NALF1: variants seen among roughly 807,000 people sequenced by gnomAD.
NALF1 encodes NALCN channel auxiliary factor 1, also known as family with sequence similarity 155 member A.
NALF1 carries 3 observed loss-of-function variants against 48.4 expected under a neutral mutation model. That is an observed-to-expected ratio of 0.06 (90% confidence interval 0.03 to 0.16). The LOEUF is 0.16. NALF1 is among the 10% of genes least tolerant of loss of function. NALF1 has a pLI of 1.00. For synonymous variants in NALF1, 262 were observed against 245.7 expected, an observed-to-expected ratio of 1.07 and a Z score of -0.62; for missense variants, 526 against 571.5, an observed-to-expected ratio of 0.92 and a Z score of 0.81.
chr13:107,295,256 C>G (rs1006919592), intron 1 of NALF1, among the ~76,000 whole-genome samples: 1 of 152,124 alleles, frequency 6.6e-6, no homozygotes, highest in Non-Finnish European at 1.5e-5. Context: ...TTTTCTGTGT[C>G]TGCATTAATT....
Position 107,866,917 on chromosome 13 carries a change from AG to A in NALF1, c.-322del, listed in dbSNP as rs1880755126. ...CAATAATGGAGAGAGAGAGAGAGAG[AG>A]AGACGGAGGAGGCTGGTGCTGGTGG... is the stretch of plus-strand genomic sequence containing the variant. On this transcript the variant is annotated 5_prime_UTR_variant, in exon 1 of 3. Transcript: ENST00000375915. This position sits in a 1 kb window ranked among gnomAD's most constrained non-coding sequence, Gnocchi z 4.4. 6.6e-6 allele frequency among the ~76,000 whole-genome samples: 1 copy of A among 151,968 alleles called. No homozygotes were observed.
At chr13:107,238,447 C>T (rs12429532) in intron 1 of NALF1, among the ~76,000 whole-genome samples, 7,357 of 152,174 alleles carry the variant, frequency 0.048, 241 homozygotes, top group Admixed American at 0.1. Flanking sequence ...GCAGCTCTGC[C>T]GGGCCCTCTG....
chr13:107,243,177 C>G (rs1880510867), intron 1 of NALF1, among the ~76,000 whole-genome samples: 1 of 152,160 alleles, frequency 6.6e-6, no homozygotes, highest in Non-Finnish European at 1.5e-5. Context: ...CCACCATTTT[C>G]TAGGATCTCT....
At chr13:107,801,551 G>A (rs1017114229) in intron 1 of NALF1, among the ~76,000 whole-genome samples, 1 of 152,136 alleles carries the variant, frequency 6.6e-6, no homozygotes, top group African/African-American at 2.4e-5. Context: ...TAGAGCCTTG[G>A]CAGCTGTCAA....
chr13:107,672,001 A>T (rs970010669), intron 1 of NALF1, among the ~76,000 whole-genome samples: 2 of 151,288 alleles, frequency 1.3e-5, no homozygotes, highest in African/African-American at 4.9e-5. Context: ...ATTGCCTTGA[A>T]AAAAAAAATC....
chr13:107,220,158 C>T (rs964796188), intron 1 of NALF1, among the ~76,000 whole-genome samples: 1 of 152,188 alleles, frequency 6.6e-6, no homozygotes, highest in Non-Finnish European at 1.5e-5. Flanking sequence ...TTTGTTTTTC[C>T]CACAGATGCC....
At chr13:107,776,711 T>C (rs186235682) in intron 1 of NALF1, among the ~76,000 whole-genome samples, 1 of 152,338 alleles carries the variant, frequency 6.6e-6, no homozygotes, top group East Asian at 1.9e-4. Context: ...AAAATGTAAA[T>C]GCATACTTAA....
At chr13:107,325,885 T>TATATATATATAC in intron 1 of NALF1, among the ~76,000 whole-genome samples, 1 of 69,712 alleles carries the variant, frequency 1.4e-5, no homozygotes, top group Non-Finnish European at 3.6e-5. Flanking sequence ...TATATATATA[T>TATATATATATAC]ATACACACAC....
intron 1 of NALF1, among the ~76,000 whole-genome samples, chr13:107,377,282 G>A (rs931468744): frequency 3.3e-5 from 5 of 152,206 alleles, no homozygotes; most frequent in South Asian, 2.1e-4. Context: ...CTGGGAAGGC[G>A]TGGAGTTGCA....
At chr13:107,621,632 G>T (rs767366607) in intron 1 of NALF1, among the ~76,000 whole-genome samples, 2 of 152,074 alleles carry the variant, frequency 1.3e-5, no homozygotes, top group Non-Finnish European at 2.9e-5. Flanking sequence ...AGGTATTCTC[G>T]TTCCTTAGGG....
intron 1 of NALF1, among the ~76,000 whole-genome samples, chr13:107,691,648 A>G (rs1881571365): frequency 6.6e-6 from 1 of 152,236 alleles, no homozygotes; most frequent in African/African-American, 2.4e-5. Flanking sequence ...ATTTATTCTC[A>G]TATACTATAT....
chr13:107,476,399 T>C (rs1885177413), intron 1 of NALF1, among the ~76,000 whole-genome samples: 1 of 152,170 alleles, frequency 6.6e-6, no homozygotes. Context: ...AGCATATTTT[T>C]TTCTCATGTG....
At chr13:107,532,799 G>C (rs1015901465) in intron 1 of NALF1, among the ~76,000 whole-genome samples, 1 of 139,896 alleles carries the variant, frequency 7.1e-6, no homozygotes, top group African/African-American at 2.5e-5. Flanking sequence ...TGAAAAGTTA[G>C]CAATTTAGAG....
At chr13:107,278,377 G>A (rs147705486) in intron 1 of NALF1, among the ~76,000 whole-genome samples, 18 of 152,308 alleles carry the variant, frequency 1.2e-4, no homozygotes, top group Non-Finnish European at 2.4e-4. Flanking sequence ...TTTGTTTATG[G>A]AGTGTATATG....
chr13:107,484,897 G>C lies in NALF1; in HGVS notation c.916-274142C>G, dbSNP rs1885304016. Among the ~76,000 whole-genome samples, 3 of 152,008 alleles carry C rather than the reference G, an allele frequency of 2.0e-5. No individual in the cohort carries two copies. The South Asian group carries it at 6.2e-4, about 31-fold the overall frequency. The stretch of plus-strand genomic sequence containing the variant: ...TCATAGACACGGTAATCCATTTTTT[G>C]CTGGAAAGCCTCTCAGAGAAATCCC... On this transcript the variant is annotated intron_variant, in intron 1 of 2. Coordinates refer to ENST00000375915, the MANE Select transcript of NALF1 (RefSeq NM_001080396.3).
In NALF1 at chr13:107,866,029, C is replaced by A; in HGVS notation, c.568G>T (p.Val190Leu). ...QCFTVENADA[V>L]CARNWSRGAA... ...CCCCGACTCCAGTTCCTGGCGCACA[C>A]CGCGTCCGCATTCTCCACCGTGAAG... is the stretch of plus-strand genomic sequence containing the variant. Residue 190 changes from valine (V) to leucine (L), a missense_variant, in exon 1 of 3, where the codon GTG (valine) becomes TTG (leucine). Around this residue, in one of 2 missense-constraint regions of NALF1, gnomAD observed 373 missense variants for 355.5 expected, o/e 1.05. Coordinates refer to ENST00000375915, the MANE Select transcript of NALF1 (RefSeq NM_001080396.3). The surrounding 1 kb of genome is among the most constrained non-coding windows in gnomAD (Gnocchi z 4.4). The A allele has an allele frequency of 6.2e-7, 1 of 1,612,158 alleles. No individual in the cohort carries two copies. Among genetic ancestry groups the A allele is most frequent in the Non-Finnish European group, 8.5e-7 (1 of 1,179,894 alleles).
At chr13:107,541,589 A>G (rs1302175235) in intron 1 of NALF1, among the ~76,000 whole-genome samples, 1 of 152,120 alleles carries the variant, frequency 6.6e-6, no homozygotes, top group Non-Finnish European at 1.5e-5. Flanking sequence ...CTTTAAATGC[A>G]TATAGCTTTA....
chr13:107,610,776 C>T (rs926272443), intron 1 of NALF1, among the ~76,000 whole-genome samples: 1 of 152,158 alleles, frequency 6.6e-6, no homozygotes, highest in East Asian at 1.9e-4. Context: ...GATAAACCTA[C>T]GTCCGTTGTG....
At chr13:107,177,956 A>T (rs1878972531) in intron 2 of NALF1, among the ~76,000 whole-genome samples, 1 of 152,200 alleles carries the variant, frequency 6.6e-6, no homozygotes, top group Non-Finnish European at 1.5e-5. Context: ...CTGAGGCAGG[A>T]GAATCGCTTG....
Sources: gnomAD v4.1 joint callset for allele counts (sites outside exome capture counted in the v4.1 genomes callset) on GRCh38, gnomAD v4.1.1 for gene constraint, gnomAD v4.1.1 regional missense constraint, Gnocchi (gnomAD v3.1) non-coding constraint, MANE v1.5 for transcripts, NCBI Gene and HGNC (gene_info 2026-07-23, HGNC 2026-07-21) for gene names.